ADAM12: variants seen among roughly 807,000 people sequenced by gnomAD.
The protein encoded by ADAM12 is disintegrin and metalloproteinase domain-containing protein 12.
In ADAM12, 70 loss-of-function variants were observed where a neutral mutation model predicts 106.4. The observed-to-expected ratio is 0.66, with a 90% CI of 0.54 to 0.80. ADAM12 has a LOEUF of 0.80. Ranked by LOEUF, ADAM12 falls within the 30% of genes least tolerant of loss-of-function variation. The pLI is 0.00. For missense variants in ADAM12, 1,010 were observed against 1,171.9 expected (o/e 0.86, Z 2.02); for synonymous variants, 420 against 433.5 (o/e 0.97, Z 0.39).
chr10:126,172,039 T>A (rs1957129357), intron 3 of ADAM12, among the ~76,000 whole-genome samples: 1 of 152,186 alleles, frequency 6.6e-6, no homozygotes, highest in South Asian at 2.1e-4. Context: ...AAAGATGTAA[T>A]TTATAATGAT....
intron 3 of ADAM12, among the ~76,000 whole-genome samples, chr10:126,166,967 G>A (rs1957036132): frequency 6.6e-6 from 1 of 152,192 alleles, no homozygotes. Context: ...AATCGCAAGG[G>A]TAGATTTAGT....
intron 1 of ADAM12, among the ~76,000 whole-genome samples, chr10:126,356,918 A>G (rs1453418869): frequency 1.3e-5 from 2 of 152,212 alleles, no homozygotes; most frequent in Non-Finnish European, 2.9e-5. Context: ...AAAATTATCC[A>G]ATCAGAGGAA....
chr10:126,157,945 A>G (rs2133730857), intron 3 of ADAM12, among the ~76,000 whole-genome samples: 1 of 152,344 alleles, frequency 6.6e-6, no homozygotes, highest in African/African-American at 2.4e-5. Flanking sequence ...GTCCTTAGTC[A>G]TAGGTAGAGA....
intron 3 of ADAM12, among the ~76,000 whole-genome samples, chr10:126,271,535 TA>T (rs1413509004): frequency 1.3e-5 from 2 of 152,136 alleles, no homozygotes; most frequent in Non-Finnish European, 2.9e-5. Flanking sequence ...GAGGCCGAGG[TA>T]GGCAAATTGC....
intron 2 of ADAM12, among the ~76,000 whole-genome samples, chr10:126,284,375 G>A (rs983910917): frequency 1.4e-5 from 2 of 144,750 alleles, no homozygotes; most frequent in African/African-American, 5.1e-5. Context: ...TCCTTCCACC[G>A]TATCTGTAGC....
At chr10:126,147,363 C>A (rs1956647635) in intron 4 of ADAM12, among the ~76,000 whole-genome samples, 1 of 152,194 alleles carries the variant, frequency 6.6e-6, no homozygotes, top group African/African-American at 2.4e-5. Flanking sequence ...CCTCCCTCTC[C>A]CCTCCTGTTC....
Position 126,057,366 on chromosome 10 carries a change from A to T in ADAM12, c.1609+7440T>A, listed in dbSNP as rs187679903. Among the ~76,000 whole-genome samples, 2 of 126,498 alleles carry T rather than the reference A, an allele frequency of 1.6e-5. 1 individual carries two copies. Among genetic ancestry groups the T allele is most frequent in the East Asian group, 5.8e-4 (2 of 3,478 alleles). The allele number at this position is 126,498 out of a possible 152,430, so 83.0% of individuals were successfully genotyped here. On this transcript the variant is annotated intron_variant, in intron 14 of 22. Transcript: ENST00000448723. ...TGTTCCCTAAAACTTAGAGTATAATAAAAAAAAAATTAAAAAACAAAAAAA... is the reference window on the plus strand; with the variant it reads ...TGTTCCCTAAAACTTAGAGTATAATTAAAAAAAAATTAAAAAACAAAAAAA...
chr10:126,068,833 T>C (rs1224331179), intron 12 of ADAM12, among the ~76,000 whole-genome samples: 1 of 152,232 alleles, frequency 6.6e-6, no homozygotes, highest in Non-Finnish European at 1.5e-5. Flanking sequence ...GAGAATTCTC[T>C]GCAAAGCCCT....
intron 2 of ADAM12, among the ~76,000 whole-genome samples, chr10:126,295,888 G>A (rs1960352357): frequency 6.9e-6 from 1 of 144,228 alleles, no homozygotes; most frequent in African/African-American, 2.6e-5. Flanking sequence ...ATGAAGTATC[G>A]AACAACAGAC....
At chr10:126,325,554 G>T (rs1016208011) in intron 2 of ADAM12, among the ~76,000 whole-genome samples, 2 of 152,194 alleles carry the variant, frequency 1.3e-5, no homozygotes, top group African/African-American at 4.8e-5. Context: ...GCTAAGGGAA[G>T]CTTTGGTTTC....
At chr10:126,048,153 T>TG (rs1954376874) in intron 16 of ADAM12, among the ~76,000 whole-genome samples, 1 of 151,634 alleles carries the variant, frequency 6.6e-6, no homozygotes. Flanking sequence ...GAGTAGAGGG[T>TG]GAATGAGGGA....
At chr10:126,161,369 C>T (rs1443102300) in intron 3 of ADAM12, among the ~76,000 whole-genome samples, 1 of 152,102 alleles carries the variant, frequency 6.6e-6, no homozygotes, top group East Asian at 1.9e-4. Flanking sequence ...AAATGACCTG[C>T]CCAAGGTCAT....
At chr10:126,122,598 T>TA (rs1401959864) in intron 5 of ADAM12, among the ~76,000 whole-genome samples, 1 of 151,922 alleles carries the variant, frequency 6.6e-6, no homozygotes, top group Non-Finnish European at 1.5e-5. Flanking sequence ...CCATCTCTAT[T>TA]AAAAATACAA....
chr10:126,206,043 G>A (rs774512659), intron 3 of ADAM12, among the ~76,000 whole-genome samples: 1 of 152,168 alleles, frequency 6.6e-6, no homozygotes, highest in Middle Eastern at 3.4e-3. Flanking sequence ...TATGTGTCTG[G>A]AAAAATGTCC....
At chr10:126,231,983 G>A (rs2133625716) in intron 3 of ADAM12, among the ~76,000 whole-genome samples, 1 of 152,232 alleles carries the variant, frequency 6.6e-6, no homozygotes, top group Non-Finnish European at 1.5e-5. Flanking sequence ...TGAATGTCCA[G>A]CAGACACTGC....
Position 126,017,121 on chromosome 10 carries a change from T to C in ADAM12, c.*158A>G, listed in dbSNP as rs1953674474. 2 of 641,874 alleles carry C rather than the reference T, an allele frequency of 3.1e-6. No homozygotes were observed. The highest frequency in any genetic ancestry group is 4.4e-5 in the South Asian group (2 of 45,136). The allele number at this position is 641,874 out of a possible 1,614,324, so 39.8% of individuals were successfully genotyped here. ...ACCTGAGCAAGTAGACAGAGCACCA[T>C]AGCACAGCACAGCACTGACGGCAGT... On this transcript the variant is annotated 3_prime_UTR_variant, in exon 23 of 23. Coordinates refer to ENST00000448723, the MANE Select transcript of ADAM12 (RefSeq NM_001288973.2).
chr10:126,386,224 T>C (rs954622070), intron 1 of ADAM12, among the ~76,000 whole-genome samples: 1 of 152,130 alleles, frequency 6.6e-6, no homozygotes, highest in Non-Finnish European at 1.5e-5. Context: ...GGGTTCTGTT[T>C]TGGACTTGTT....
Position 126,066,846 on chromosome 10 carries a change from G to T in ADAM12, c.1324-40C>A. ...GGCATTTGTTTGACAGGGTCTTATG[G>T]AGTATGCACTCACTGAATGCAAACA... On this transcript the variant is annotated intron_variant, in intron 12 of 22. Coordinates refer to ENST00000448723, the MANE Select transcript of ADAM12 (RefSeq NM_001288973.2). This position sits in a 1 kb window ranked among gnomAD's most constrained non-coding sequence, Gnocchi z 5.1. The T allele has an allele frequency of 6.4e-7, 1 of 1,574,690 alleles. No homozygotes were observed. Among genetic ancestry groups the T allele is most frequent in the Non-Finnish European group, 8.7e-7 (1 of 1,145,122 alleles).
intron 4 of ADAM12, 32 bp from the exon 5 acceptor site, chr10:126,135,692 G>C (rs760603416): frequency 6.3e-7 from 1 of 1,589,620 alleles, no homozygotes; most frequent in East Asian, 2.2e-5. Flanking sequence ...TCCCATTTCA[G>C]TTATAACACA....
Sources: gnomAD v4.1 joint callset for allele counts (sites outside exome capture counted in the v4.1 genomes callset) on GRCh38, gnomAD v4.1.1 for gene constraint, Gnocchi (gnomAD v3.1) non-coding constraint, MANE v1.5 for transcripts, NCBI Gene and HGNC (gene_info 2026-07-23, HGNC 2026-07-21) for gene names.